The following NF2 variants were observed in gnomAD, a reference collection of about 807,000 sequenced individuals.
The protein encoded by NF2 is merlin.
In NF2, 8 loss-of-function variants were observed where a neutral mutation model predicts 83.7. That is an observed-to-expected ratio of 0.10 (90% CI 0.06 to 0.17). The LOEUF (loss-of-function observed/expected upper bound fraction) is 0.17, where lower values mean the gene tolerates loss of function less well. Among genes scored for constraint, NF2 ranks in the 10% least tolerant of loss-of-function variants. The pLI is 1.00. For synonymous variants in NF2, 266 were observed against 269.6 expected, an observed-to-expected ratio of 0.99 and a Z score of 0.13; for missense variants, 533 against 744.4, an observed-to-expected ratio of 0.72 and a Z score of 3.31.
intron 1 of NF2, among the ~76,000 whole-genome samples, chr22:29,626,292 T>G (rs1448262146): frequency 6.6e-6 from 1 of 151,878 alleles, no homozygotes; most frequent in Non-Finnish European, 1.5e-5. Context: ...TAGCTGGGAC[T>G]ACAGGTGCTT....
At chr22:29,685,388 G>C (rs1298634976) in intron 15 of NF2, among the ~76,000 whole-genome samples, 1 of 150,828 alleles carries the variant, frequency 6.6e-6, no homozygotes, top group Non-Finnish European at 1.5e-5. Flanking sequence ...GATTATAAAA[G>C]TGAGCCACTG....
chr22:29,688,002 C>G (rs534071658), intron 15 of NF2, among the ~76,000 whole-genome samples: 9 of 152,344 alleles, frequency 5.9e-5, no homozygotes, highest in African/African-American at 2.2e-4. Context: ...TCCCTGAAGG[C>G]CACTCCTACC....
At position 29,655,760 on chromosome 22, in the gene NF2, T is replaced by C. The variant is rs577322177; in HGVS notation, c.599+84T>C. 27 of 1,099,726 alleles carry C rather than the reference T, an allele frequency of 2.5e-5. No individual in the cohort carries two copies. In the East Asian group the frequency reaches 5.5e-4, roughly 22 times the overall value. 68.1% of individuals were successfully genotyped at this position (1,099,726 alleles called of 1,614,324 possible). A position where few individuals can be genotyped will look rare whatever the true frequency, so the allele number is the denominator to read the frequency against. ...CTTAAAGAACTGCAAAACTAGGACA[T>C]GCTTGTTAAACAAAATGCAGTACTG... On this transcript the variant is annotated intron_variant, in intron 6 of 15. Coordinates refer to ENST00000338641, the MANE Select transcript of NF2 (RefSeq NM_000268.4).
chr22:29,630,065 T>C (rs1386490058), intron 1 of NF2, among the ~76,000 whole-genome samples: 1 of 152,224 alleles, frequency 6.6e-6, no homozygotes, highest in Non-Finnish European at 1.5e-5. Context: ...GATGACTGTA[T>C]GTCCCAAAGA....
intron 2 of NF2, among the ~76,000 whole-genome samples, chr22:29,637,340 A>T (rs1168437838): frequency 6.6e-6 from 1 of 152,208 alleles, no homozygotes; most frequent in Non-Finnish European, 1.5e-5. Context: ...AGGAATAGAG[A>T]GTGCCTGGTC....
intron 3 of NF2, 133 bp downstream of exon 3, chr22:29,639,345 G>A: frequency 8.9e-7 from 1 of 1,126,164 alleles, no homozygotes; most frequent in South Asian, 1.3e-5. Flanking sequence ...AGCCCCTTTG[G>A]TTCTGTAATG....
At chr22:29,631,200 A>G (rs867301826) in intron 1 of NF2, among the ~76,000 whole-genome samples, 4 of 152,212 alleles carry the variant, frequency 2.6e-5, no homozygotes, top group African/African-American at 7.2e-5. Context: ...AAAAGTGCAA[A>G]GAACATTCCT....
chr22:29,655,392 TATC>T (rs1465957575), intron 5 of NF2, among the ~76,000 whole-genome samples, 199 bp from the exon 6 acceptor site: 1 of 152,202 alleles, frequency 6.6e-6, no homozygotes, highest in Non-Finnish European at 1.5e-5. Flanking sequence ...AGGTCTGAGT[TATC>T]ATGCAGCTTT....
At chr22:29,687,331 C>T (rs899729339) in intron 15 of NF2, among the ~76,000 whole-genome samples, 1 of 152,194 alleles carries the variant, frequency 6.6e-6, no homozygotes, top group Non-Finnish European at 1.5e-5. Context: ...GGAGCCTTGA[C>T]ATTTATCTCA....
At chr22:29,623,405 G>A (rs1325712442) in intron 1 of NF2, among the ~76,000 whole-genome samples, 1 of 152,170 alleles carries the variant, frequency 6.6e-6, no homozygotes, top group Non-Finnish European at 1.5e-5. Context: ...GAACGTTTGG[G>A]GTTTGGGGTA....
chr22:29,643,940 C>T (rs2065892313), intron 4 of NF2, among the ~76,000 whole-genome samples: 1 of 132,708 alleles, frequency 7.5e-6, no homozygotes, highest in East Asian at 2.0e-4. Flanking sequence ...AACCTCCCTC[C>T]CGGACGGGGC....
chr22:29,679,473 T>C (rs1199956339), intron 14 of NF2, among the ~76,000 whole-genome samples: 1 of 152,236 alleles, frequency 6.6e-6, no homozygotes, highest in African/African-American at 2.4e-5. Context: ...GTGAAGCTGT[T>C]CTGTGTCTGC....
chr22:29,609,048 A>C, intron 1 of NF2: 1 of 726,376 alleles, frequency 1.4e-6, no homozygotes. Flanking sequence ...TCCAAGCCAG[A>C]ACAGTGGGTA....
rs73159068 is a variant in NF2 at position 29,642,118 on chromosome 22, C to T, written c.364-84C>T. On this transcript the variant is annotated intron_variant, in intron 3 of 15. Transcript: ENST00000338641. ...GCTGCTCTGGCAGCCCTCATTAGAA[C>T]GCCGTGAGGCCATCTGTTGTGATCA... 6,614 of 1,122,588 alleles carry T rather than the reference C, an allele frequency of 5.9e-3. 36 individuals are homozygous for T. The highest frequency in any genetic ancestry group is 0.014 in the Middle Eastern group (74 of 5,160). 69.5% of individuals were successfully genotyped at this position (1,122,588 alleles called of 1,614,324 possible).
chr22:29,666,641 C>T (rs530537512), intron 9 of NF2, among the ~76,000 whole-genome samples: 9 of 151,886 alleles, frequency 5.9e-5, no homozygotes, highest in African/African-American at 2.2e-4. Flanking sequence ...CATAGCAAGA[C>T]CCTGTCTCCA....
chr22:29,644,319 G>A (rs1324487640), intron 4 of NF2, among the ~76,000 whole-genome samples: 4 of 150,792 alleles, frequency 2.7e-5, no homozygotes, highest in East Asian at 1.9e-4. Context: ...CATCCCAGAC[G>A]ATGGGCGGCC....
At chr22:29,612,127 C>G (rs1441873465) in intron 1 of NF2, among the ~76,000 whole-genome samples, 2 of 152,128 alleles carry the variant, frequency 1.3e-5, no homozygotes, top group Non-Finnish European at 2.9e-5. Flanking sequence ...CCTGCCTCAG[C>G]CTCCGGAGTA....
intron 1 of NF2, among the ~76,000 whole-genome samples, chr22:29,633,925 G>A (rs567083708): frequency 6.6e-6 from 1 of 152,246 alleles, no homozygotes; most frequent in South Asian, 2.1e-4. Flanking sequence ...AGAATAAGTG[G>A]GAGGTAACAG....
intron 13 of NF2, among the ~76,000 whole-genome samples, chr22:29,675,259 A>T (rs563806620): frequency 6.6e-6 from 1 of 152,300 alleles, no homozygotes; most frequent in African/African-American, 2.4e-5. Flanking sequence ...TTGCCTCTTA[A>T]TGCTGAGCTG....
Sources: gnomAD v4.1 joint callset for allele counts (sites outside exome capture counted in the v4.1 genomes callset) on GRCh38, gnomAD v4.1.1 for gene constraint, MANE v1.5 for transcripts, NCBI Gene and HGNC (gene_info 2026-07-23, HGNC 2026-07-21) for gene names.